The following PRKD1 variants were observed in gnomAD, a reference collection of about 807,000 sequenced individuals.
PRKD1 encodes the protein protein kinase D1.
Under a neutral mutation model 95.9 loss-of-function variants are expected in PRKD1, and 63 were observed. The ratio of observed to expected loss-of-function variants is 0.66; its 90% CI spans 0.54 to 0.81. The LOEUF is 0.81. PRKD1 is among the 30% of genes least tolerant of loss of function. PRKD1 has a pLI of 0.00. For synonymous variants in PRKD1, 425 were observed against 423.1 expected, an observed-to-expected ratio of 1.00 and a Z score of -0.05; for missense variants, 1,048 against 1,165.3, an observed-to-expected ratio of 0.90 and a Z score of 1.47.
intron 1 of PRKD1, among the ~76,000 whole-genome samples, chr14:29,865,091 T>C (rs912923861): frequency 6.6e-6 from 1 of 152,158 alleles, no homozygotes; most frequent in Admixed American, 6.6e-5. Flanking sequence ...CCAATGTATA[T>C]CTATATTATC....
At chr14:29,897,113 T>G (rs1165966248) in intron 1 of PRKD1, among the ~76,000 whole-genome samples, 1 of 152,084 alleles carries the variant, frequency 6.6e-6, no homozygotes, top group African/African-American at 2.4e-5. Context: ...TCTATACAAA[T>G]TTTTAATTGA....
At chr14:29,826,962 G>A (rs553127974) in intron 1 of PRKD1, among the ~76,000 whole-genome samples, 52 of 146,644 alleles carry the variant, frequency 3.5e-4, no homozygotes, top group African/African-American at 1.3e-3. Flanking sequence ...TATCCTAAGT[G>A]AAGTAACTCA....
At chr14:29,864,872 G>A (rs1043857867) in intron 1 of PRKD1, among the ~76,000 whole-genome samples, 1 of 152,112 alleles carries the variant, frequency 6.6e-6, no homozygotes, top group African/African-American at 2.4e-5. Flanking sequence ...ACAGTTTGCT[G>A]GAAGATGCTC....
At chr14:29,860,707 T>C (rs752726662) in intron 1 of PRKD1, among the ~76,000 whole-genome samples, 17 of 152,238 alleles carry the variant, frequency 1.1e-4, no homozygotes, top group African/African-American at 3.9e-4. Context: ...TATTTAAACA[T>C]GTACAATTTA....
At chr14:29,708,884 T>C (rs1161808445) in intron 2 of PRKD1, among the ~76,000 whole-genome samples, 2 of 152,002 alleles carry the variant, frequency 1.3e-5, no homozygotes, top group Non-Finnish European at 2.9e-5. Context: ...AACAAAACTT[T>C]AGGTCTTTAA....
intron 13 of PRKD1, among the ~76,000 whole-genome samples, chr14:29,602,348 G>C (rs59332414): frequency 0.025 from 3,754 of 152,034 alleles, 163 homozygotes; most frequent in African/African-American, 0.085. Flanking sequence ...GAAGAGGGGA[G>C]AGACGCAATG....
chr14:29,648,793 T>C (rs965051698), intron 4 of PRKD1, among the ~76,000 whole-genome samples: 1 of 152,182 alleles, frequency 6.6e-6, no homozygotes, highest in Non-Finnish European at 1.5e-5. Context: ...TAGCTGGGAC[T>C]ACAGGCACTC....
chr14:29,913,130 A>G (rs1894777394), intron 1 of PRKD1, among the ~76,000 whole-genome samples: 1 of 152,230 alleles, frequency 6.6e-6, no homozygotes, highest in African/African-American at 2.4e-5. Context: ...GTTATACAGA[A>G]ACATTTGTTT....
intron 1 of PRKD1, among the ~76,000 whole-genome samples, chr14:29,855,329 C>T (rs1026586785): frequency 6.6e-6 from 1 of 152,168 alleles, no homozygotes; most frequent in Admixed American, 6.5e-5. Context: ...TCAGCATGAC[C>T]TGGATATGAG....
intron 1 of PRKD1, among the ~76,000 whole-genome samples, chr14:29,772,688 T>C (rs1442316492): frequency 6.6e-6 from 1 of 152,208 alleles, no homozygotes; most frequent in Non-Finnish European, 1.5e-5. Context: ...TTCATGACTG[T>C]ACACATTAGA....
chr14:29,688,948 C>CAAAAAAAAAAAAAAAA (rs377212196), intron 2 of PRKD1, among the ~76,000 whole-genome samples: 1 of 32,486 alleles, frequency 3.1e-5, no homozygotes, highest in Non-Finnish European at 6.4e-5. Context: ...GACTCCGTCT[C>CAAAAAAAAAAAAAAAA]AAAAAAAAAA....
At chr14:29,872,342 A>G (rs544840464) in intron 1 of PRKD1, among the ~76,000 whole-genome samples, 36 of 152,344 alleles carry the variant, frequency 2.4e-4, no homozygotes, top group African/African-American at 7.7e-4. Context: ...AAAGGAAAAA[A>G]GCTCACTGCT....
At chr14:29,660,679 A>G (rs147861908) in intron 4 of PRKD1, among the ~76,000 whole-genome samples, 148 of 152,270 alleles carry the variant, frequency 9.7e-4, no homozygotes, top group Admixed American at 2.0e-3. Flanking sequence ...TGTGGGTTCA[A>G]TTGGCTTTGA....
intron 2 of PRKD1, among the ~76,000 whole-genome samples, chr14:29,679,484 T>C (rs887540418): frequency 6.6e-6 from 1 of 152,182 alleles, no homozygotes; most frequent in Non-Finnish European, 1.5e-5. Flanking sequence ...TCCTCCAGCA[T>C]ATTTAAAACA....
chr14:29,921,656 CA>C (rs1284827838), intron 1 of PRKD1, among the ~76,000 whole-genome samples: 1 of 151,712 alleles, frequency 6.6e-6, no homozygotes, highest in Non-Finnish European at 1.5e-5. Context: ...AATCATCTCA[CA>C]AAAAAAGGTA....
intron 1 of PRKD1, among the ~76,000 whole-genome samples, chr14:29,915,109 T>C (rs1240573196): frequency 6.6e-6 from 1 of 152,236 alleles, no homozygotes; most frequent in Admixed American, 6.5e-5. Context: ...TTCATTGATT[T>C]ACACTGATAA....
chr14:29,786,002 T>C (rs541816703), intron 1 of PRKD1, among the ~76,000 whole-genome samples: 1 of 152,262 alleles, frequency 6.6e-6, no homozygotes, highest in East Asian at 1.9e-4. Flanking sequence ...TTCTTTATTA[T>C]GTTGAGGTTT....
chr14:29,764,409 T>G (rs190230054), intron 1 of PRKD1, among the ~76,000 whole-genome samples: 23 of 152,348 alleles, frequency 1.5e-4, no homozygotes, highest in African/African-American at 5.5e-4. Flanking sequence ...TTAGCTAGAA[T>G]GGAAGACACC....
At chr14:29,710,588 G>A (rs1397650907) in intron 2 of PRKD1, among the ~76,000 whole-genome samples, 3 of 152,034 alleles carry the variant, frequency 2.0e-5, no homozygotes, top group Non-Finnish European at 4.4e-5. Context: ...CAGAGCAGAG[G>A]AGACTTTGAA....
Sources: gnomAD v4.1 joint callset for allele counts (sites outside exome capture counted in the v4.1 genomes callset) on GRCh38, gnomAD v4.1.1 for gene constraint, MANE v1.5 for transcripts, NCBI Gene and HGNC (gene_info 2026-07-23, HGNC 2026-07-21) for gene names.